NRXN1: variants seen among roughly 807,000 people sequenced by gnomAD.
NRXN1 encodes neurexin 1.
A neutral mutation model predicts 150.9 loss-of-function variants in NRXN1; 39 were observed. The ratio of observed to expected loss-of-function variants is 0.26; its 90% CI spans 0.20 to 0.34. NRXN1 has a LOEUF of 0.34. Ranked by LOEUF, NRXN1 falls within the 10% of genes least tolerant of loss-of-function variation. NRXN1 has a pLI of 1.00. For synonymous variants in NRXN1, 924 were observed against 757.0 expected (o/e 1.22, Z -3.62); for missense variants, 1,815 against 1,949.9 (o/e 0.93, Z 1.30).
At chr2:50,747,275 G>C (rs1173559953) in intron 5 of NRXN1, among the ~76,000 whole-genome samples, 1 of 152,112 alleles carries the variant, frequency 6.6e-6, no homozygotes, top group South Asian at 2.1e-4. Flanking sequence ...GTTGGTTAGA[G>C]TTTACTTGGT....
intron 5 of NRXN1, among the ~76,000 whole-genome samples, chr2:50,739,798 C>G (rs749221369): frequency 6.6e-6 from 1 of 152,072 alleles, no homozygotes; most frequent in Non-Finnish European, 1.5e-5. Flanking sequence ...AGGCTAAAGT[C>G]TTTTGGGGCT....
chr2:50,091,125 G>A (rs1018809116), intron 19 of NRXN1, among the ~76,000 whole-genome samples, 198 bp downstream of exon 19: 6 of 152,216 alleles, frequency 3.9e-5, no homozygotes, highest in East Asian at 1.9e-4. Context: ...ACACCTTCAC[G>A]TTCTCCTATA....
At chr2:50,339,676 T>A (rs910624648) in intron 17 of NRXN1, among the ~76,000 whole-genome samples, 1 of 152,198 alleles carries the variant, frequency 6.6e-6, no homozygotes, top group South Asian at 2.1e-4. Context: ...TGGTTACTAT[T>A]TAATAAATAA....
chr2:50,990,223 A>G (rs1349004426), intron 2 of NRXN1, among the ~76,000 whole-genome samples: 1 of 151,960 alleles, frequency 6.6e-6, no homozygotes, highest in Non-Finnish European at 1.5e-5. Flanking sequence ...TTCAATATCA[A>G]TTTGCAAACA....
chr2:50,297,818 C>G (rs1268907056), intron 17 of NRXN1, among the ~76,000 whole-genome samples: 1 of 152,088 alleles, frequency 6.6e-6, no homozygotes, highest in East Asian at 1.9e-4. Flanking sequence ...TTGAGGAAGT[C>G]TTTCCAAAGA....
intron 13 of NRXN1, among the ~76,000 whole-genome samples, chr2:50,502,209 A>T (rs2091981869): frequency 7.0e-6 from 1 of 143,194 alleles, no homozygotes; most frequent in Admixed American, 7.0e-5. Context: ...GAAGAAAGGA[A>T]GAAAGAAAGG....
In NRXN1 at chr2:50,103,821, G is replaced by A. The variant is rs1015397118; in HGVS notation, c.3547-12327C>T. 5.9e-5 allele frequency among the ~76,000 whole-genome samples: 9 copies of A among 151,896 alleles called. No homozygotes were observed. The South Asian group carries it at 1.5e-3, about 24-fold the overall frequency. Reference sequence around the variant, plus strand: ...GACGTTTAGCTCAGTAAAGACAGCCGAAGGAATAAATACCTGGAGCAATGT... The same window carrying A: ...GACGTTTAGCTCAGTAAAGACAGCCAAAGGAATAAATACCTGGAGCAATGT... On this transcript the variant is annotated intron_variant, in intron 18 of 22. Coordinates refer to ENST00000401669, the MANE Select transcript of NRXN1 (RefSeq NM_001330078.2).
intron 21 of NRXN1, among the ~76,000 whole-genome samples, chr2:50,027,104 G>A (rs1388001131): frequency 6.6e-6 from 1 of 151,366 alleles, no homozygotes; most frequent in African/African-American, 2.4e-5. Context: ...GGATGGTCTC[G>A]ATCTCCTGAC....
chr2:51,020,124 C>A (rs1669361168), intron 2 of NRXN1, among the ~76,000 whole-genome samples: 1 of 151,306 alleles, frequency 6.6e-6, no homozygotes, highest in African/African-American at 2.4e-5. Context: ...GTATATAGTT[C>A]AGTGAATCTT....
At chr2:50,732,706 G>A (rs1224599565) in intron 5 of NRXN1, among the ~76,000 whole-genome samples, 3 of 152,124 alleles carry the variant, frequency 2.0e-5, no homozygotes, top group African/African-American at 4.8e-5. Flanking sequence ...GACTACTTGT[G>A]TCAATGCAAC....
intron 5 of NRXN1, among the ~76,000 whole-genome samples, chr2:50,829,872 G>C (rs1671143942): frequency 6.6e-6 from 1 of 151,808 alleles, no homozygotes; most frequent in Non-Finnish European, 1.5e-5. Flanking sequence ...TCTAGAGTTT[G>C]AATGAATCCA....
At chr2:50,416,872 T>A (rs1004886943) in intron 17 of NRXN1, among the ~76,000 whole-genome samples, 1 of 152,160 alleles carries the variant, frequency 6.6e-6, no homozygotes, top group Non-Finnish European at 1.5e-5. Flanking sequence ...CAATTAAAGA[T>A]GAGATTTCGG....
chr2:49,995,471 C>T (rs565293634), intron 21 of NRXN1, among the ~76,000 whole-genome samples: 3 of 151,940 alleles, frequency 2.0e-5, no homozygotes, highest in East Asian at 1.9e-4. Context: ...CATTTTCAAC[C>T]ATCAGTAGAC....
At chr2:50,026,569 A>T (rs1272595961) in intron 21 of NRXN1, among the ~76,000 whole-genome samples, 1 of 152,136 alleles carries the variant, frequency 6.6e-6, no homozygotes, top group Admixed American at 6.5e-5. Flanking sequence ...GTTCAGTTAC[A>T]TCTTAAATAA....
At chr2:50,640,867 T>G (rs1466187225) in intron 5 of NRXN1, among the ~76,000 whole-genome samples, 1 of 152,182 alleles carries the variant, frequency 6.6e-6, no homozygotes, top group African/African-American at 2.4e-5. Flanking sequence ...TGAAACCTTA[T>G]GTAACCATTC....
At position 50,087,575 on chromosome 2, in the gene NRXN1, A is replaced by T. The variant is rs1435169310; in HGVS notation, c.3718+3748T>A. Among the ~76,000 whole-genome samples, 5 of 152,156 alleles carry T rather than the reference A, an allele frequency of 3.3e-5. No individual in the cohort carries two copies. In the East Asian group the frequency reaches 9.6e-4, roughly 29 times the overall value. On this transcript the variant is annotated intron_variant, in intron 19 of 22. Coordinates refer to ENST00000401669, the MANE Select transcript of NRXN1 (RefSeq NM_001330078.2). The stretch of plus-strand genomic sequence containing the variant: ...GGGACAAATCAGAGATTAATGATGC[A>T]TTATATTCTAGAGCTTTAACTGATA...
intron 5 of NRXN1, among the ~76,000 whole-genome samples, chr2:50,772,182 A>T (rs1311846965): frequency 6.6e-6 from 1 of 151,936 alleles, no homozygotes; most frequent in Non-Finnish European, 1.5e-5. Flanking sequence ...CTTGCCTAAC[A>T]CATAAAAATG....
At chr2:50,934,643 A>G (rs1688253068) in intron 2 of NRXN1, among the ~76,000 whole-genome samples, 2 of 152,214 alleles carry the variant, frequency 1.3e-5, no homozygotes, top group South Asian at 4.1e-4. Flanking sequence ...AGCTTCTCTG[A>G]CAATATCTTT....
chr2:50,339,638 C>A lies in NRXN1; in HGVS notation c.3365-102668G>T, dbSNP rs2077421587. Reference sequence around the variant, plus strand: ...AGGAAGTCTGTACAGGAATCATCATCTTCTAGTGTTAAAGCTTTTTAGTAT... The same window carrying A: ...AGGAAGTCTGTACAGGAATCATCATATTCTAGTGTTAAAGCTTTTTAGTAT... On this transcript the variant is annotated intron_variant, in intron 17 of 22. Transcript: ENST00000401669. 2.0e-5 allele frequency among the ~76,000 whole-genome samples: 3 copies of A among 152,304 alleles called. 1 individual carries two copies. The South Asian group carries it at 6.2e-4, about 32-fold the overall frequency.
Sources: gnomAD v4.1 joint callset for allele counts (sites outside exome capture counted in the v4.1 genomes callset) on GRCh38, gnomAD v4.1.1 for gene constraint, MANE v1.5 for transcripts, NCBI Gene and HGNC (gene_info 2026-07-23, HGNC 2026-07-21) for gene names.